CD6: variants seen among roughly 807,000 people sequenced by gnomAD.
CD6 encodes the protein T-cell differentiation antigen CD6.
CD6 carries 53 observed loss-of-function variants against 75.3 expected under a neutral mutation model. The ratio of observed to expected loss-of-function variants is 0.70; its 90% CI spans 0.56 to 0.88. The LOEUF is 0.88. Ranked by LOEUF, CD6 falls within the 40% of genes least tolerant of loss-of-function variation. The pLI, the probability that CD6 is intolerant of heterozygous loss-of-function variation, is 0.00. For missense variants in CD6, 770 were observed against 897.1 expected (o/e 0.86, Z 1.81); for synonymous variants, 359 against 381.5 (o/e 0.94, Z 0.69).
intron 3 of CD6, chr11:61,008,301 T>C (rs1480396087): frequency 7.4e-6 from 4 of 539,036 alleles, no homozygotes; most frequent in African/African-American, 3.8e-5. Context: ...GCTCCCAGGC[T>C]CCCAAACCTG....
At chr11:60,988,840 C>T (rs142039876) in intron 1 of CD6, among the ~76,000 whole-genome samples, 38 of 152,296 alleles carry the variant, frequency 2.5e-4, no homozygotes, top group Admixed American at 1.5e-3. Context: ...GAACCAGGGC[C>T]CCTCCTGAGA....
chr11:61,008,050 G>A, intron 3 of CD6, 140 bp downstream of exon 3: 1 of 502,470 alleles, frequency 2.0e-6, no homozygotes, highest in Admixed American at 4.2e-5. Context: ...AACGCACCGG[G>A]TTCCCACACC....
chr11:61,008,737 C>G lies in CD6; in HGVS notation c.673C>G (p.Arg225Gly), dbSNP rs11230563. 2 of 1,606,504 alleles carry G rather than the reference C, an allele frequency of 1.2e-6. No individual in the cohort carries two copies. Residue 225 changes from arginine to glycine, a missense_variant, in exon 4 of 13, where the codon CGG (arginine) becomes GGG (glycine). By Grantham distance (125) the Arg-to-Gly change is moderately radical. Coordinates refer to ENST00000313421, the MANE Select transcript of CD6 (RefSeq NM_006725.5). ...CACGCCCGGCCGCGGGCCTATCCAC[C>G]GGGACCAGGTGAACTGCTCGGGGGC... Reference protein sequence around the residue: ...HFTPGRGPIHRDQVNCSGAEA... With the variant: ...HFTPGRGPIHGDQVNCSGAEA...
At chr11:60,994,373 G>A (rs1169817758) in intron 1 of CD6, among the ~76,000 whole-genome samples, 6 of 145,276 alleles carry the variant, frequency 4.1e-5, no homozygotes, top group Admixed American at 2.9e-4. Flanking sequence ...CCTGGGAGGC[G>A]GAGGTTGCAG....
chr11:60,998,046 T>G (rs1444487969), intron 1 of CD6, among the ~76,000 whole-genome samples: 1 of 152,182 alleles, frequency 6.6e-6, no homozygotes, highest in African/African-American at 2.4e-5. Flanking sequence ...AAATGGACGG[T>G]GTAGGACAGA....
At chr11:61,009,492 T>G (rs1859038652) in intron 4 of CD6, 80 bp from the exon 5 acceptor site, 2 of 1,294,890 alleles carry the variant, frequency 1.5e-6, no homozygotes, top group Admixed American at 5.2e-5. Flanking sequence ...CATTGGTGCC[T>G]GCACTGGTGG....
intron 6 of CD6, among the ~76,000 whole-genome samples, chr11:61,012,765 G>C (rs1414794247): frequency 6.6e-6 from 1 of 152,126 alleles, no homozygotes; most frequent in Admixed American, 6.5e-5. Context: ...TGCAGAGGTG[G>C]GAGACCCTGA....
chr11:61,017,437 G>A (rs1336890605), intron 9 of CD6, 42 bp from the exon 10 acceptor site: 2 of 1,469,076 alleles, frequency 1.4e-6, no homozygotes, highest in Non-Finnish European at 9.3e-7. Context: ...TAAATGATGA[G>A]GTTGAGCCTT....
intron 1 of CD6, among the ~76,000 whole-genome samples, chr11:61,005,477 G>C (rs1858803758): frequency 6.6e-6 from 1 of 152,236 alleles, no homozygotes; most frequent in Non-Finnish European, 1.5e-5. Flanking sequence ...GAAGACAGGG[G>C]TTAATCCAAA....
chr11:61,014,604 G>A (rs531168804), intron 8 of CD6, among the ~76,000 whole-genome samples: 43 of 151,936 alleles, frequency 2.8e-4, no homozygotes, highest in Non-Finnish European at 5.9e-4. Flanking sequence ...GTGTGGTGGC[G>A]TGCACCTGTA....
At chr11:61,009,964 G>C in intron 5 of CD6, 90 bp downstream of exon 5, 2 of 1,334,504 alleles carry the variant, frequency 1.5e-6, no homozygotes, top group Non-Finnish European at 2.0e-6. Flanking sequence ...GACCACAATA[G>C]GCACCAGATC....
In CD6 at chr11:61,008,759, G is replaced by A. The variant is rs1464220920; in HGVS notation, c.695G>A (p.Gly232Glu). Residue 232 changes from glycine to glutamate, a missense_variant, in exon 4 of 13, where the codon GGG becomes GAG. By Grantham distance (98) the Gly-to-Glu change is moderately conservative. Transcript: ENST00000313421. ...CACCGGGACCAGGTGAACTGCTCGG[G>A]GGCCGAAGCTTACCTGTGGGACTGC... The part of the protein sequence containing the change: ...PIHRDQVNCS[G>E]AEAYLWDCPG... 6.2e-7 allele frequency: 1 copy of A among 1,604,422 alleles called. No homozygotes were observed. Among genetic ancestry groups the A allele is most frequent in the Non-Finnish European group, 8.5e-7 (1 of 1,173,996 alleles).
chr11:61,013,653 C>T, intron 7 of CD6, 90 bp downstream of exon 7: 1 of 1,414,158 alleles, frequency 7.1e-7, no homozygotes. Context: ...CCAGCAATGA[C>T]CACCCGGCCC....
chr11:61,013,478 C>T lies in CD6; in HGVS notation c.1206C>T (p.Leu402=), dbSNP rs529727296. The change falls in exon 7 of 13, where the codon CTC becomes CTT. Residue 402 remains leucine, a synonymous_variant. Coordinates refer to ENST00000313421, the MANE Select transcript of CD6 (RefSeq NM_006725.5). ...AGGAATCTCGGGAGCTAATGCTCCTCATCCCCTCCATCGTTCTGGGAATTC... is the reference window on the plus strand; with the variant it reads ...AGGAATCTCGGGAGCTAATGCTCCTTATCCCCTCCATCGTTCTGGGAATTC... ...ENKESRELML[L]IPSIVLGILL... is the part of the protein sequence containing the mutation. 48 of 1,613,592 alleles carry T rather than the reference C, an allele frequency of 3.0e-5. 1 individual carries two copies. The South Asian group carries it at 3.6e-4, about 12-fold the overall frequency.
intron 1 of CD6, among the ~76,000 whole-genome samples, chr11:61,005,638 G>C (rs889507589): frequency 1.1e-4 from 17 of 152,198 alleles, no homozygotes; most frequent in Non-Finnish European, 1.8e-4. Flanking sequence ...ATTGTTGAAA[G>C]TAAATGGAAT....
intron 6 of CD6, among the ~76,000 whole-genome samples, chr11:61,013,011 G>T (rs1340077023): frequency 6.6e-6 from 1 of 152,150 alleles, no homozygotes; most frequent in African/African-American, 2.4e-5. Context: ...TACTGGACTG[G>T]GTTACTTATT....
At chr11:60,987,566 T>A (rs1590680849) in intron 1 of CD6, among the ~76,000 whole-genome samples, 1 of 152,056 alleles carries the variant, frequency 6.6e-6, no homozygotes, top group Admixed American at 6.6e-5. Flanking sequence ...TACATGTATG[T>A]ATGTGTGTGT....
chr11:60,977,525 T>C (rs747923259), intron 1 of CD6, among the ~76,000 whole-genome samples: 6 of 152,240 alleles, frequency 3.9e-5, no homozygotes, highest in African/African-American at 1.2e-4. Flanking sequence ...CATGGTAAGT[T>C]ATCCAGCATA....
intron 12 of CD6, chr11:61,019,027 C>T: frequency 8.7e-6 from 4 of 462,004 alleles, no homozygotes; most frequent in African/African-American, 2.0e-5. Context: ...TCCACCGTGT[C>T]GTGCAGTGTG....
Sources: gnomAD v4.1 joint callset for allele counts (sites outside exome capture counted in the v4.1 genomes callset) on GRCh38, gnomAD v4.1.1 for gene constraint, MANE v1.5 for transcripts, NCBI Gene and HGNC (gene_info 2026-07-23, HGNC 2026-07-21) for gene names.